AVL9: variants seen among roughly 807,000 people sequenced by gnomAD.
AVL9 encodes AVL9 cell migration associated.
In AVL9, 49 loss-of-function variants were observed where a neutral mutation model predicts 79.2. The observed-to-expected ratio is 0.62, with a 90% confidence interval of 0.49 to 0.79. AVL9 has a LOEUF of 0.79. Ranked by LOEUF, AVL9 falls within the 30% of genes least tolerant of loss-of-function variation. AVL9 has a pLI of 0.00. For synonymous variants in AVL9, 299 were observed against 280.6 expected (o/e 1.07, Z -0.65); for missense variants, 682 against 776.8 (o/e 0.88, Z 1.45).
intron 13 of AVL9, among the ~76,000 whole-genome samples, chr7:32,577,178 C>CA (rs1389159102): frequency 2.0e-5 from 3 of 151,980 alleles, no homozygotes; most frequent in Non-Finnish European, 4.4e-5. Context: ...ACTAAAAATA[C>CA]AAAAAATTTA....
rs70992731 is a variant in AVL9 at position 32,566,180 on chromosome 7, A to ATGTTTTTTTTTTTTTTT, written c.1216-3839_1216-3838insGTTTTTTTTTTTTTTTT. Among the ~76,000 whole-genome samples, 14 of 93,886 alleles carry ATGTTTTTTTTTTTTTTT rather than the reference A, an allele frequency of 1.5e-4. 2 individuals are homozygous for ATGTTTTTTTTTTTTTTT. The highest frequency in any genetic ancestry group is 5.4e-4 in the African/African-American group (13 of 24,082). 61.6% of individuals were successfully genotyped at this position (93,886 alleles called of 152,430 possible). A position where few individuals can be genotyped will look rare whatever the true frequency, so the allele number is the denominator to read the frequency against. On this transcript the variant is annotated intron_variant, in intron 10 of 15. Transcript: ENST00000318709. ...TAAAAAAATTTTAATTATTATTATT[A>ATGTTTTTTTTTTTTTTT]TTTTTTTTTTTTGGAGACAAGGTCT...
intron 11 of AVL9, among the ~76,000 whole-genome samples, chr7:32,572,801 C>CA (rs3080635): frequency 4.7e-4 from 44 of 93,422 alleles, no homozygotes; most frequent in South Asian, 1.3e-3. Flanking sequence ...GACTCCGTCT[C>CA]AAAAAAAAAA....
At chr7:32,498,516 C>T (rs1244505289) in intron 1 of AVL9, among the ~76,000 whole-genome samples, 1 of 152,066 alleles carries the variant, frequency 6.6e-6, no homozygotes, top group Non-Finnish European at 1.5e-5. Flanking sequence ...TCCCAAAGTA[C>T]TGGGATTACA....
In AVL9 at chr7:32,573,318, C is replaced by T. The variant is rs1247530454; in HGVS notation, c.1470C>T (p.Asp490=). Reference sequence around the variant, plus strand: ...GGCACGTGACTGAGAATCGGGATGACGTCTTCCTAGATGGCACGGGCTGGG... The same window carrying T: ...GGCACGTGACTGAGAATCGGGATGATGTCTTCCTAGATGGCACGGGCTGGG... ...LVRHVTENRD[D]VFLDGTGWEG... is the part of the protein sequence containing the mutation. The change falls in exon 12 of 16, where the codon GAC becomes GAT. Residue 490 remains aspartate, a synonymous_variant. Coordinates refer to ENST00000318709, the MANE Select transcript of AVL9 (RefSeq NM_015060.3). 9.9e-6 allele frequency: 16 copies of T among 1,613,848 alleles called. No homozygotes were observed. Among genetic ancestry groups the T allele is most frequent in the South Asian group, 3.3e-5 (3 of 91,074 alleles).
chr7:32,582,494 G>A (rs1206501905), intron 15 of AVL9, among the ~76,000 whole-genome samples: 1 of 152,050 alleles, frequency 6.6e-6, no homozygotes, highest in Non-Finnish European at 1.5e-5. Context: ...ATATGCCTTT[G>A]GCTTATTTTG....
chr7:32,505,021 A>C (rs922405466), intron 1 of AVL9, among the ~76,000 whole-genome samples: 1 of 151,686 alleles, frequency 6.6e-6, no homozygotes, highest in South Asian at 2.1e-4. Flanking sequence ...TTACAAGAGT[A>C]TGCCACCATG....
intron 1 of AVL9, among the ~76,000 whole-genome samples, chr7:32,507,371 T>C (rs1232295456): frequency 6.6e-6 from 1 of 152,252 alleles, no homozygotes; most frequent in East Asian, 1.9e-4. Flanking sequence ...GAAATATTAA[T>C]ATTGACAGCA....
At chr7:32,539,443 G>C (rs537372497) in intron 1 of AVL9, among the ~76,000 whole-genome samples, 20 of 132,224 alleles carry the variant, frequency 1.5e-4, no homozygotes, top group Admixed American at 1.2e-3. Flanking sequence ...ATAAGTCCTG[G>C]GTCTTCAGTT....
Position 32,523,639 on chromosome 7 carries a change from C to T in AVL9, c.94-19502C>T, listed in dbSNP as rs185683349. Among the ~76,000 whole-genome samples, 20 of 149,744 alleles carry T rather than the reference C, an allele frequency of 1.3e-4. No homozygotes were observed. In the South Asian group the frequency reaches 1.9e-3, roughly 14 times the overall value. On this transcript the variant is annotated intron_variant, in intron 1 of 15. Coordinates refer to ENST00000318709, the MANE Select transcript of AVL9 (RefSeq NM_015060.3). Reference sequence around the variant, plus strand: ...CAAGCTATTCTCTTGCCTCAGCCTCCGGAGTAGCTGGGACTATAGGGGTGT... The same window carrying T: ...CAAGCTATTCTCTTGCCTCAGCCTCTGGAGTAGCTGGGACTATAGGGGTGT...
rs565811430 is a variant in AVL9 at position 32,560,486 on chromosome 7, A to G, written c.1215+1022A>G. Among the ~76,000 whole-genome samples the G allele has an allele frequency of 3.9e-5, 6 of 152,232 alleles. No individual in the cohort carries two copies. The South Asian group carries it at 1.2e-3, about 32-fold the overall frequency. ...TAAGAAGCAGCTCCTCATCCGTTCA[A>G]GTTTTTATCAGTAGTTTGCAGCAAT... is the stretch of plus-strand genomic sequence containing the variant. On this transcript the variant is annotated intron_variant, in intron 10 of 15. Coordinates refer to ENST00000318709, the MANE Select transcript of AVL9 (RefSeq NM_015060.3).
chr7:32,579,384 ACATATTATATGT>A lies in AVL9; in HGVS notation c.1689-834_1689-823del, dbSNP rs1275721550. Among the ~76,000 whole-genome samples, 26 of 11,860 alleles carry A rather than the reference ACATATTATATGT, an allele frequency of 2.2e-3. 5 individuals are homozygous for A. The highest frequency in any genetic ancestry group is 0.011 in the African/African-American group (25 of 2,320). The allele number at this position is 11,860 out of a possible 152,430, so 7.8% of individuals were successfully genotyped here. ...TAACATATATAATATATGTTATATA[ACATATTATATGT>A]TATATATTATATATAATATGTTATA... is the stretch of plus-strand genomic sequence containing the variant. On this transcript the variant is annotated intron_variant, in intron 13 of 15. Coordinates refer to ENST00000318709, the MANE Select transcript of AVL9 (RefSeq NM_015060.3).
chr7:32,571,527 C>CA (rs917284651), intron 11 of AVL9, among the ~76,000 whole-genome samples: 42 of 141,702 alleles, frequency 3.0e-4, no homozygotes, highest in Middle Eastern at 3.6e-3. Flanking sequence ...AATTCTGTCT[C>CA]AAAAAAAAAA....
intron 1 of AVL9, among the ~76,000 whole-genome samples, chr7:32,529,139 C>T (rs1177932180): frequency 6.6e-6 from 1 of 152,214 alleles, no homozygotes; most frequent in Non-Finnish European, 1.5e-5. Flanking sequence ...AATTGACTTT[C>T]ATTAGCAGTC....
At position 32,579,419 on chromosome 7, in the gene AVL9, A is replaced by T. The variant is rs988451273; in HGVS notation, c.1689-800A>T. On this transcript the variant is annotated intron_variant, in intron 13 of 15. Transcript: ENST00000318709. ...TGTTATATATTATATATAATATGTTATATATATAATATATATATTATATAT... is the reference window on the plus strand; with the variant it reads ...TGTTATATATTATATATAATATGTTTTATATATAATATATATATTATATAT... 3.5e-3 allele frequency among the ~76,000 whole-genome samples: 12 copies of T among 3,402 alleles called. 4 individuals carry two copies. The Admixed American group carries it at 0.092, about 26-fold the overall frequency. The allele number at this position is 3,402 out of a possible 152,430, so 2.2% of individuals were successfully genotyped here.
chr7:32,561,662 A>T (rs1790339417), intron 10 of AVL9, among the ~76,000 whole-genome samples: 1 of 152,248 alleles, frequency 6.6e-6, no homozygotes, highest in African/African-American at 2.4e-5. Flanking sequence ...AACAAAAACA[A>T]AAACACTTTT....
At chr7:32,522,804 A>G (rs1788219086) in intron 1 of AVL9, among the ~76,000 whole-genome samples, 1 of 152,146 alleles carries the variant, frequency 6.6e-6, no homozygotes, top group African/African-American at 2.4e-5. Flanking sequence ...GTGTTGTGGG[A>G]GAGACCCAGG....
At chr7:32,581,008 A>T (rs1201991761) in intron 15 of AVL9, 118 bp downstream of exon 15, 2 of 818,460 alleles carry the variant, frequency 2.4e-6, no homozygotes, top group Non-Finnish European at 3.8e-6. Context: ...TCACATAGTA[A>T]TACAAGAGTT....
In AVL9 at chr7:32,586,774, T is replaced by C. The variant is rs1264912925; in HGVS notation, c.*2867T>C. The C allele has an allele frequency of 2.0e-5, 3 of 152,240 alleles. No individual in the cohort carries two copies. Among genetic ancestry groups the C allele is most frequent in the Admixed American group, 6.5e-5 (1 of 15,284 alleles). 9.4% of individuals were successfully genotyped at this position (152,240 alleles called of 1,614,324 possible). On this transcript the variant is annotated 3_prime_UTR_variant, in exon 16 of 16. Coordinates refer to ENST00000318709, the MANE Select transcript of AVL9 (RefSeq NM_015060.3). The stretch of plus-strand genomic sequence containing the variant: ...GTGGCTTCACCACTATCCAGGTGAC[T>C]TAAAAGAGTGTTTGGAAAATGTCCC...
Position 32,584,059 on chromosome 7 carries a change from G to C in AVL9, c.*152G>C, listed in dbSNP as rs1443878170. On this transcript the variant is annotated 3_prime_UTR_variant, in exon 16 of 16. Coordinates refer to ENST00000318709, the MANE Select transcript of AVL9 (RefSeq NM_015060.3). ...TTGCTCTAAGTGAATGTTTCGGGAT[G>C]CCGAAATGATGAAATCACAGCCATA... 1 of 705,944 alleles carries C rather than the reference G, an allele frequency of 1.4e-6. No individual in the cohort carries two copies. The allele number at this position is 705,944 out of a possible 1,614,324, so 43.7% of individuals were successfully genotyped here. A position where few individuals can be genotyped will look rare whatever the true frequency, so the allele number is the denominator to read the frequency against.
Sources: allele counts gnomAD v4.1 joint callset (sites outside exome capture counted in the v4.1 genomes callset), GRCh38; gene constraint gnomAD v4.1.1; transcripts MANE v1.5; gene names NCBI Gene and HGNC (gene_info 2026-07-23, HGNC 2026-07-21).